The following RAB38 variants were observed in gnomAD, a reference collection of about 807,000 sequenced individuals.
RAB38 encodes ras-related protein Rab-38.
In RAB38, 15 loss-of-function variants were observed where a neutral mutation model predicts 18.4. That is an observed-to-expected ratio of 0.82 (90% CI 0.55 to 1.26). The LOEUF (loss-of-function observed/expected upper bound fraction) is 1.26. Among genes scored for constraint, RAB38 ranks in the 50% most tolerant of loss-of-function variants. The pLI is 0.00. For missense variants in RAB38, 294 were observed against 267.4 expected, an observed-to-expected ratio of 1.10 and a Z score of -0.69; for synonymous variants, 101 against 104.4, an observed-to-expected ratio of 0.97 and a Z score of 0.20.
the RAB38 span, among the ~76,000 whole-genome samples, chr11:88,055,291 A>G: frequency 4.6e-5 from 7 of 152,228 alleles, no homozygotes; most frequent in Non-Finnish European, 8.8e-5. Context: ...ACTGTAAAAC[A>G]TACAGATGTC....
chr11:87,834,397 G>A, the RAB38 span, among the ~76,000 whole-genome samples: 4 of 152,178 alleles, frequency 2.6e-5, no homozygotes, highest in African/African-American at 9.7e-5. Context: ...CCGGACTTCT[G>A]ACCTTCAAAA....
the RAB38 span, among the ~76,000 whole-genome samples, chr11:87,814,437 A>T: frequency 6.6e-6 from 1 of 152,224 alleles, no homozygotes; most frequent in African/African-American, 2.4e-5. Flanking sequence ...GCACTTTTAT[A>T]TGTAAATATA....
the RAB38 span, among the ~76,000 whole-genome samples, chr11:88,079,832 A>G: frequency 1.3e-5 from 2 of 151,770 alleles, no homozygotes; most frequent in Non-Finnish European, 3.0e-5. Context: ...AATCATTTGA[A>G]AGAATTGAAT....
At chr11:87,975,775 G>A in the RAB38 span, among the ~76,000 whole-genome samples, 2 of 151,520 alleles carry the variant, frequency 1.3e-5, no homozygotes, top group Non-Finnish European at 1.5e-5. Context: ...AATGTAGTAA[G>A]AGGTATAACA....
the RAB38 span, among the ~76,000 whole-genome samples, chr11:87,949,545 C>G: frequency 6.6e-6 from 1 of 152,198 alleles, no homozygotes; most frequent in East Asian, 1.9e-4. Context: ...AAATATCCCT[C>G]TACACACTGC....
At chr11:87,807,322 C>T in the RAB38 span, among the ~76,000 whole-genome samples, 1 of 152,212 alleles carries the variant, frequency 6.6e-6, no homozygotes, top group African/African-American at 2.4e-5. Context: ...CCACATGACA[C>T]AGATGACCTA....
chr11:88,151,324 G>C (rs1943061353), intron 1 of RAB38, among the ~76,000 whole-genome samples: 1 of 152,118 alleles, frequency 6.6e-6, no homozygotes, highest in Non-Finnish European at 1.5e-5. Context: ...CACAAGTTCT[G>C]AAATCAGAGT....
At chr11:88,108,423 A>C (rs1384792497), downstream of RAB38, among the ~76,000 whole-genome samples, 2 of 152,152 alleles carry the variant, frequency 1.3e-5, no homozygotes, top group Non-Finnish European at 2.9e-5. Context: ...CTGTTTTATC[A>C]GACACTAGGA....
the RAB38 span, among the ~76,000 whole-genome samples, chr11:87,958,426 A>G: frequency 6.6e-6 from 1 of 152,154 alleles, no homozygotes; most frequent in Non-Finnish European, 1.5e-5. Context: ...CCAAGCTAAG[A>G]AAGTCTCCAA....
At chr11:87,910,026 T>C in the RAB38 span, among the ~76,000 whole-genome samples, 1 of 152,106 alleles carries the variant, frequency 6.6e-6, no homozygotes, top group Non-Finnish European at 1.5e-5. Context: ...TTTCTGCCAG[T>C]AATATATAAA....
the RAB38 span, among the ~76,000 whole-genome samples, chr11:88,107,773 T>C: frequency 6.6e-6 from 1 of 152,198 alleles, no homozygotes; most frequent in East Asian, 1.9e-4. Context: ...TAAATTTCCC[T>C]CTAAACACTG....
chr11:87,953,795 T>C, the RAB38 span, among the ~76,000 whole-genome samples: 2 of 151,932 alleles, frequency 1.3e-5, no homozygotes, highest in Admixed American at 6.6e-5. Context: ...TGAACAATAC[T>C]GTATGTTTCT....
At chr11:87,813,037 C>T in the RAB38 span, among the ~76,000 whole-genome samples, 1 of 152,108 alleles carries the variant, frequency 6.6e-6, no homozygotes, top group Non-Finnish European at 1.5e-5. Flanking sequence ...ATTCTTATGA[C>T]CCACAGCCAA....
the RAB38 span, among the ~76,000 whole-genome samples, chr11:87,882,340 T>C: frequency 6.6e-6 from 1 of 151,824 alleles, no homozygotes; most frequent in Non-Finnish European, 1.5e-5. Context: ...TAAACTTTGG[T>C]GTATATCAGA....
the RAB38 span, among the ~76,000 whole-genome samples, chr11:87,896,602 A>T: frequency 6.6e-5 from 10 of 151,796 alleles, no homozygotes; most frequent in East Asian, 2.0e-3. Context: ...GGGAACAGAA[A>T]AAAGAAAAAT....
the RAB38 span, among the ~76,000 whole-genome samples, chr11:88,049,334 T>C: frequency 5.3e-5 from 8 of 152,062 alleles, no homozygotes; most frequent in African/African-American, 1.9e-4. Flanking sequence ...GAAGTGAAAA[T>C]GGCCTGTTCC....
chr11:88,046,234 CA>C, the RAB38 span, among the ~76,000 whole-genome samples: 7 of 152,206 alleles, frequency 4.6e-5, no homozygotes, highest in Non-Finnish European at 8.8e-5. Context: ...CCTGCTACAG[CA>C]TGGTCTTTTA....
At chr11:87,806,634 A>AT in the RAB38 span, among the ~76,000 whole-genome samples, 5 of 152,216 alleles carry the variant, frequency 3.3e-5, no homozygotes, top group East Asian at 5.8e-4. Context: ...TGTATTCTTA[A>AT]TTTTTTTATT....
chr11:87,810,893 G>T, the RAB38 span, among the ~76,000 whole-genome samples: 2 of 152,028 alleles, frequency 1.3e-5, no homozygotes, highest in Non-Finnish European at 2.9e-5. Flanking sequence ...TCAGAAGAAA[G>T]AATTCAGCTG....
Sources: allele counts gnomAD v4.1 joint callset (sites outside exome capture counted in the v4.1 genomes callset), GRCh38; gene constraint gnomAD v4.1.1; transcripts MANE v1.5; gene names NCBI Gene and HGNC (gene_info 2026-07-23, HGNC 2026-07-21).